FARS2: variants seen among roughly 807,000 people sequenced by gnomAD.
FARS2 encodes phenylalanine--tRNA ligase, mitochondrial.
FARS2 carries 40 observed loss-of-function variants against 46.4 expected under a neutral mutation model. The observed-to-expected ratio is 0.86, with a 90% CI of 0.67 to 1.12. The LOEUF is 1.12. Ranked by LOEUF, FARS2 falls within the 50% of genes most tolerant of loss-of-function variation. The probability of loss-of-function intolerance (pLI) is 0.00; values close to 1 mark genes in which losing one functional copy is unlikely to be tolerated. For synonymous variants in FARS2, 234 were observed against 214.9 expected (o/e 1.09, Z -0.78); for missense variants, 513 against 567.9 (o/e 0.90, Z 0.98).
rs537649341 is a variant in FARS2 at position 5,532,792 on chromosome 6, G to T, written c.905-12388G>T. Among the ~76,000 whole-genome samples, 887 of 151,218 alleles carry T rather than the reference G, an allele frequency of 5.9e-3. 6 individuals are homozygous for T. Among genetic ancestry groups the T allele is most frequent in the South Asian group, 0.013 (62 of 4,800 alleles). On this transcript the variant is annotated intron_variant, in intron 4 of 6. Coordinates refer to ENST00000274680, the MANE Select transcript of FARS2 (RefSeq NM_006567.5). ...ATAATAATAATAATAATAAGAAGAA[G>T]AAGAAGAAGAAGAAGAAGAATGTTA...
intron 4 of FARS2, among the ~76,000 whole-genome samples, chr6:5,528,087 C>T (rs915634023): frequency 1.3e-5 from 2 of 152,168 alleles, no homozygotes; most frequent in Non-Finnish European, 2.9e-5. Context: ...AAAGGTTCTG[C>T]AATACCCTAT....
intron 1 of FARS2, among the ~76,000 whole-genome samples, chr6:5,339,396 G>T (rs893145799): frequency 6.6e-6 from 1 of 151,550 alleles, no homozygotes; most frequent in Non-Finnish European, 1.5e-5. Flanking sequence ...TTTGTTTATC[G>T]TGCATACCAA....
Position 5,727,048 on chromosome 6 carries a change from G to A in FARS2, c.1218-44243G>A, listed in dbSNP as rs1473398101. ...TGGGTCAGATACTTGGCCTCATTGA[G>A]CTTCACTTCCACCGTCTGTAAAGGA... On this transcript the variant is annotated intron_variant, in intron 6 of 6. Transcript: ENST00000274680. This position sits in a 1 kb window ranked among gnomAD's most constrained non-coding sequence, Gnocchi z 4.1. 3.3e-5 allele frequency among the ~76,000 whole-genome samples: 5 copies of A among 152,250 alleles called. No individual in the cohort carries two copies. In the East Asian group the frequency reaches 9.6e-4, roughly 29 times the overall value.
chr6:5,497,105 A>G (rs1767516776), intron 4 of FARS2, among the ~76,000 whole-genome samples: 2 of 152,356 alleles, frequency 1.3e-5, no homozygotes, highest in South Asian at 4.1e-4. Flanking sequence ...GATGGTACTG[A>G]GACTTAAATG....
intron 6 of FARS2, among the ~76,000 whole-genome samples, chr6:5,726,267 C>T (rs891882798): frequency 5.3e-5 from 8 of 152,056 alleles, no homozygotes; most frequent in East Asian, 1.9e-4. Flanking sequence ...ATGCTGCCCA[C>T]GCGTAGACTT....
At chr6:5,563,246 C>T (rs563711973) in intron 5 of FARS2, among the ~76,000 whole-genome samples, 4 of 152,220 alleles carry the variant, frequency 2.6e-5, no homozygotes, top group Admixed American at 2.0e-4. Flanking sequence ...AATGCTGGCC[C>T]TCCCACCCTA....
intron 5 of FARS2, among the ~76,000 whole-genome samples, chr6:5,550,340 A>G (rs1365122482): frequency 6.6e-6 from 1 of 152,176 alleles, no homozygotes; most frequent in Non-Finnish European, 1.5e-5. Flanking sequence ...CAGTGGTGCC[A>G]TCACGGCTCA....
intron 4 of FARS2, among the ~76,000 whole-genome samples, chr6:5,449,081 G>T (rs932658326): frequency 5.3e-5 from 8 of 152,188 alleles, no homozygotes; most frequent in Admixed American, 5.2e-4. Flanking sequence ...GGGTGCCGTG[G>T]CTCACGCCTG....
intron 2 of FARS2, among the ~76,000 whole-genome samples, chr6:5,380,812 T>G (rs1486883498): frequency 6.6e-6 from 1 of 152,148 alleles, no homozygotes; most frequent in African/African-American, 2.4e-5. Flanking sequence ...CTCTGCAAAA[T>G]TGTAAACTTT....
At chr6:5,300,757 A>G (rs1057014007) in intron 1 of FARS2, among the ~76,000 whole-genome samples, 1 of 151,808 alleles carries the variant, frequency 6.6e-6, no homozygotes, top group African/African-American at 2.4e-5. Context: ...TGCAGCCTTC[A>G]TCTCCCAGGC....
chr6:5,769,093 G>A (rs1018047255), intron 6 of FARS2, among the ~76,000 whole-genome samples: 23 of 152,270 alleles, frequency 1.5e-4, no homozygotes, highest in Admixed American at 4.6e-4. Context: ...TCTTCTAAGA[G>A]TGATAATAGT....
At chr6:5,752,873 A>G (rs1043171125) in intron 6 of FARS2, among the ~76,000 whole-genome samples, 1 of 151,730 alleles carries the variant, frequency 6.6e-6, no homozygotes, top group East Asian at 1.9e-4. Flanking sequence ...GCCCTCCCCA[A>G]GACCCCCCCC....
At chr6:5,517,678 A>G (rs775721409) in intron 4 of FARS2, among the ~76,000 whole-genome samples, 3 of 152,172 alleles carry the variant, frequency 2.0e-5, no homozygotes, top group Admixed American at 1.3e-4. Flanking sequence ...TCAAAGACTT[A>G]GTTCAAAAAA....
chr6:5,407,772 G>A (rs951821042), intron 3 of FARS2, among the ~76,000 whole-genome samples: 3 of 152,170 alleles, frequency 2.0e-5, no homozygotes, highest in Admixed American at 6.5e-5. Flanking sequence ...AATTGCTGAT[G>A]TGAAAAACCT....
chr6:5,449,351 T>TGA (rs1764351604), intron 4 of FARS2, among the ~76,000 whole-genome samples: 1 of 9,986 alleles, frequency 1.0e-4, no homozygotes, highest in Non-Finnish European at 2.1e-4. Flanking sequence ...AGACTCCATC[T>TGA]CAAAAAAAAA....
At chr6:5,628,538 G>A (rs1776144383) in intron 6 of FARS2, among the ~76,000 whole-genome samples, 1 of 152,230 alleles carries the variant, frequency 6.6e-6, no homozygotes, top group Non-Finnish European at 1.5e-5. Flanking sequence ...CTGAAGATGG[G>A]CACCCAGCAA....
chr6:5,461,221 ATAGAGACAAAG>A (rs1260987187), intron 4 of FARS2, among the ~76,000 whole-genome samples: 5 of 151,740 alleles, frequency 3.3e-5, no homozygotes, highest in Non-Finnish European at 7.4e-5. Context: ...TGTATTTTTA[ATAGAGACAAAG>A]TTTCACTACA....
At chr6:5,546,578 A>G (rs1771035475) in intron 5 of FARS2, among the ~76,000 whole-genome samples, 1 of 150,902 alleles carries the variant, frequency 6.6e-6, no homozygotes, top group African/African-American at 2.4e-5. Flanking sequence ...CAACAATTCT[A>G]CTCCATTCAT....
At chr6:5,358,683 T>C (rs1279188529) in intron 1 of FARS2, among the ~76,000 whole-genome samples, 2 of 152,228 alleles carry the variant, frequency 1.3e-5, no homozygotes, top group African/African-American at 4.8e-5. Context: ...CAATTCCAAA[T>C]ACGGTGATAT....
Sources: gnomAD v4.1 joint callset for allele counts (sites outside exome capture counted in the v4.1 genomes callset) on GRCh38, gnomAD v4.1.1 for gene constraint, Gnocchi (gnomAD v3.1) non-coding constraint, MANE v1.5 for transcripts, NCBI Gene and HGNC (gene_info 2026-07-23, HGNC 2026-07-21) for gene names.